SCN9A: variants seen among roughly 807,000 people sequenced by gnomAD.
SCN9A encodes sodium voltage-gated channel alpha subunit 9.
A neutral mutation model predicts 187.0 loss-of-function variants in SCN9A; 131 were observed. The ratio of observed to expected loss-of-function variants is 0.70; its 90% CI spans 0.61 to 0.81. The LOEUF is 0.81. Ranked by LOEUF, SCN9A falls within the 30% of genes least tolerant of loss-of-function variation. SCN9A has a pLI of 0.00. For missense variants in SCN9A, 2,252 were observed against 2,396.6 expected, an observed-to-expected ratio of 0.94 and a Z score of 1.26; for synonymous variants, 809 against 808.6, an observed-to-expected ratio of 1.00 and a Z score of -0.01.
At chr2:166,201,375 T>TCTATATAGCATATAGTATGCATATACG (rs1314322641) in intron 26 of SCN9A, among the ~76,000 whole-genome samples, 7 of 148,314 alleles carry the variant, frequency 4.7e-5, no homozygotes, top group Non-Finnish European at 7.4e-5. Flanking sequence ...ATGCGTATAC[T>TCTATATAGCATATAGTATGCATATACG]CTATATAGCA....
At chr2:166,209,208 C>T (rs890986607) in intron 24 of SCN9A, among the ~76,000 whole-genome samples, 1 of 152,168 alleles carries the variant, frequency 6.6e-6, no homozygotes, top group Admixed American at 6.5e-5. Context: ...GACATTGTGT[C>T]GGATGGCTGA....
chr2:166,275,085 T>C (rs919757187), intron 16 of SCN9A, among the ~76,000 whole-genome samples: 2 of 152,148 alleles, frequency 1.3e-5, no homozygotes, highest in Non-Finnish European at 2.9e-5. Flanking sequence ...ATCTAAACAA[T>C]ACCTAAATAC....
At position 166,370,214 on chromosome 2, in the gene SCN9A, A is replaced by C. The variant is rs375210239; in HGVS notation, c.-51+5483T>G. Among the ~76,000 whole-genome samples, 406 of 92,978 alleles carry C rather than the reference A, an allele frequency of 4.4e-3. 1 individual carries two copies. Among genetic ancestry groups the C allele is most frequent in the African/African-American group, 9.0e-3 (152 of 16,840 alleles). 61.0% of individuals were successfully genotyped at this position (92,978 alleles called of 152,430 possible). A position where few individuals can be genotyped will look rare whatever the true frequency, so the allele number is the denominator to read the frequency against. On this transcript the variant is annotated intron_variant, in intron 1 of 26. Transcript: ENST00000642356. ...TTAAAATAATAATAATAATAATAAT[A>C]ATAATAATAATAATAATAATAATCA...
chr2:166,303,000 G>T, intron 7 of SCN9A, 90 bp downstream of exon 7: 2 of 1,022,936 alleles, frequency 2.0e-6, no homozygotes, highest in Non-Finnish European at 2.9e-6. Context: ...GCTTTGAAAT[G>T]ATTAAAATGA....
intron 17 of SCN9A, among the ~76,000 whole-genome samples, chr2:166,252,164 A>G (rs2106427133): frequency 6.6e-6 from 1 of 152,124 alleles, no homozygotes; most frequent in South Asian, 2.1e-4. Flanking sequence ...TAATATATTG[A>G]TGTTAACTAT....
chr2:166,290,295 A>G (rs1407835375), intron 9 of SCN9A, among the ~76,000 whole-genome samples: 1 of 151,974 alleles, frequency 6.6e-6, no homozygotes, highest in African/African-American at 2.4e-5. Context: ...TATGTACCAC[A>G]TTTTCTTTAT....
chr2:166,350,734 C>T lies in SCN9A; in HGVS notation c.-51+24963G>A, dbSNP rs150639101. Among the ~76,000 whole-genome samples the T allele has an allele frequency of 6.7e-3, 1,020 of 152,192 alleles. 16 individuals carry two copies. The highest frequency in any genetic ancestry group is 7.5e-3 in the Non-Finnish European group (507 of 67,998). On this transcript the variant is annotated intron_variant, in intron 1 of 26. Transcript: ENST00000642356. Reference sequence around the variant, plus strand: ...AACACATTCTCTGTCAATCATCTTGCCCACTGGTGATCACCAGGGAAAAGG... The same window carrying T: ...AACACATTCTCTGTCAATCATCTTGTCCACTGGTGATCACCAGGGAAAAGG...
chr2:166,212,326 C>G (rs1694133399), intron 24 of SCN9A, among the ~76,000 whole-genome samples: 1 of 152,138 alleles, frequency 6.6e-6, no homozygotes, highest in South Asian at 2.1e-4. Flanking sequence ...CCCACAGACA[C>G]AGAGGACACC....
intron 2 of SCN9A, among the ~76,000 whole-genome samples, chr2:166,307,895 G>A (rs1317067540): frequency 1.3e-5 from 2 of 152,164 alleles, no homozygotes; most frequent in Middle Eastern, 3.2e-3. Flanking sequence ...TTTTTCTCCG[G>A]TTGGCAGGAA....
At chr2:166,332,048 C>T (rs762111294) in intron 1 of SCN9A, among the ~76,000 whole-genome samples, 3 of 152,116 alleles carry the variant, frequency 2.0e-5, no homozygotes, top group Admixed American at 1.3e-4. Flanking sequence ...TTCCATTCCA[C>T]TCCTGTTATT....
intron 20 of SCN9A, among the ~76,000 whole-genome samples, chr2:166,235,382 A>G (rs58636704): frequency 0.021 from 3,139 of 152,256 alleles, 120 homozygotes; most frequent in African/African-American, 0.072. Flanking sequence ...ACTGAAGAAC[A>G]CTGTTTAATC....
At chr2:166,288,145 G>A (rs1365992262) in intron 10 of SCN9A, among the ~76,000 whole-genome samples, 1 of 131,296 alleles carries the variant, frequency 7.6e-6, no homozygotes, top group Non-Finnish European at 1.6e-5. Flanking sequence ...ATGTATATGT[G>A]TATGTATATA....
At chr2:166,325,631 T>A (rs965298237) in intron 1 of SCN9A, among the ~76,000 whole-genome samples, 5 of 152,194 alleles carry the variant, frequency 3.3e-5, no homozygotes, top group Non-Finnish European at 7.4e-5. Flanking sequence ...ATACTAAATA[T>A]CTTTTAAGTT....
intron 2 of SCN9A, among the ~76,000 whole-genome samples, chr2:166,309,287 T>C (rs1042300680): frequency 1.3e-5 from 2 of 152,214 alleles, no homozygotes; most frequent in South Asian, 4.1e-4. Context: ...ATTGTTGGTA[T>C]TTTAAAATTG....
At chr2:166,306,472 T>C (rs202051580) in intron 4 of SCN9A, 38 bp downstream of exon 4, 67 of 1,138,784 alleles carry the variant, frequency 5.9e-5, no homozygotes, top group Non-Finnish European at 8.2e-5. Flanking sequence ...GAAATGATAA[T>C]ACCAAAACTA....
chr2:166,260,818 T>C (rs1290670579), intron 17 of SCN9A, among the ~76,000 whole-genome samples: 1 of 151,924 alleles, frequency 6.6e-6, no homozygotes, highest in African/African-American at 2.4e-5. Flanking sequence ...TTCAGTAACA[T>C]AATATTTATG....
intron 16 of SCN9A, among the ~76,000 whole-genome samples, chr2:166,274,550 G>T (rs919649785): frequency 2.0e-5 from 3 of 152,034 alleles, no homozygotes; most frequent in Admixed American, 6.6e-5. Context: ...ACTCTAATGT[G>T]GAAGGCTATA....
Position 166,288,120 on chromosome 2 carries a change from T to TATATATACACACACAC in SCN9A, c.1314+316_1314+317insGTGTGTGTGTATATAT, listed in dbSNP as rs56738765. Among the ~76,000 whole-genome samples, 1,139 of 135,394 alleles carry TATATATACACACACAC rather than the reference T, an allele frequency of 8.4e-3. 10 individuals carry two copies. Among genetic ancestry groups the TATATATACACACACAC allele is most frequent in the African/African-American group, 0.018 (643 of 36,490 alleles). 88.8% of individuals were successfully genotyped at this position (135,394 alleles called of 152,430 possible). A position where few individuals can be genotyped will look rare whatever the true frequency, so the allele number is the denominator to read the frequency against. ...ATATATATATATATATATATATATA[T>TATATATACACACACAC]ACACACACATTTATATGTATATGTG... On this transcript the variant is annotated intron_variant, in intron 10 of 26. Transcript: ENST00000642356.
Position 166,251,884 on chromosome 2 carries a change from C to G in SCN9A, c.3353G>C (p.Arg1118Thr), listed in dbSNP as rs1558983919. Residue 1118 changes from arginine (R) to threonine (T), a missense_variant and splice_region_variant, in exon 18 of 27, where the codon AGA becomes ACA. By Grantham distance (71) the Arg-to-Thr change is moderately conservative. Around this residue, in one of 7 missense-constraint regions of SCN9A, gnomAD observed 313 missense variants for 295.3 expected, o/e 1.06. Coordinates refer to ENST00000642356, the MANE Select transcript of SCN9A (RefSeq NM_001365536.1). Reference protein sequence around the residue: ...SDSDSEYSKVRLNRSSSSECS... With the variant: ...SDSDSEYSKVTLNRSSSSECS... ...CTCTGAGGAGCTTGACCGGTTTAAT[C>G]TCTAGAAAGGAATTCACCACCCCAC... The G allele has an allele frequency of 2.5e-6, 4 of 1,612,016 alleles. No individual in the cohort carries two copies. Among genetic ancestry groups the G allele is most frequent in the Non-Finnish European group, 2.5e-6 (3 of 1,178,888 alleles).
Sources: allele counts gnomAD v4.1 joint callset (sites outside exome capture counted in the v4.1 genomes callset), GRCh38; gene constraint gnomAD v4.1.1; regional missense constraint gnomAD v4.1.1; transcripts MANE v1.5; gene names NCBI Gene and HGNC (gene_info 2026-07-23, HGNC 2026-07-21).